The following GRM7 variants were observed in gnomAD, a reference collection of about 807,000 sequenced individuals.
The protein encoded by GRM7 is glutamate metabotropic receptor 7, also known as metabotropic glutamate receptor 7.
A neutral mutation model predicts 84.5 loss-of-function variants in GRM7; 35 were observed. The observed-to-expected ratio is 0.41, with a 90% confidence interval of 0.32 to 0.55. The LOEUF (loss-of-function observed/expected upper bound fraction) is 0.55, where lower values mean the gene tolerates loss of function less well. GRM7 is among the 20% of genes least tolerant of loss of function. The probability of loss-of-function intolerance (pLI) is 0.19; values close to 1 mark genes in which losing one functional copy is unlikely to be tolerated. For synonymous variants in GRM7, 487 were observed against 455.1 expected (o/e 1.07, Z -0.89); for missense variants, 1,003 against 1,194.6 (o/e 0.84, Z 2.36).
At chr3:7,727,801 C>T (rs77268245) in intron 9 of GRM7, among the ~76,000 whole-genome samples, 12 of 152,146 alleles carry the variant, frequency 7.9e-5, no homozygotes, top group Non-Finnish European at 1.6e-4. Context: ...AGCTTTGTCT[C>T]ACTTCTCCTA....
chr3:7,510,354 C>T (rs1487637785), intron 7 of GRM7, among the ~76,000 whole-genome samples: 1 of 152,118 alleles, frequency 6.6e-6, no homozygotes, highest in Non-Finnish European at 1.5e-5. Flanking sequence ...ATTGTCTGTG[C>T]CTGTTGCGGA....
chr3:7,531,794 T>C (rs1285793644), intron 7 of GRM7, among the ~76,000 whole-genome samples: 1 of 152,162 alleles, frequency 6.6e-6, no homozygotes, highest in African/African-American at 2.4e-5. Flanking sequence ...ATACCCTTTA[T>C]TTCTTTCTCT....
chr3:7,625,377 C>T (rs190755155), intron 8 of GRM7, among the ~76,000 whole-genome samples: 2 of 152,062 alleles, frequency 1.3e-5, no homozygotes, highest in Non-Finnish European at 2.9e-5. Context: ...AAAAAGCAAG[C>T]AACTCGTACA....
intron 1 of GRM7, among the ~76,000 whole-genome samples, chr3:6,977,264 T>C (rs927054820): frequency 1.3e-5 from 2 of 152,120 alleles, no homozygotes; most frequent in African/African-American, 4.8e-5. Flanking sequence ...CGAGAGTGCT[T>C]TCAGTGTACA....
At chr3:7,175,550 T>G (rs182618445) in intron 2 of GRM7, among the ~76,000 whole-genome samples, 5 of 152,318 alleles carry the variant, frequency 3.3e-5, no homozygotes, top group African/African-American at 1.2e-4. Flanking sequence ...TTGTTTTGTC[T>G]TTTTTGAGAC....
At chr3:7,733,215 T>G (rs57921529) in intron 9 of GRM7, among the ~76,000 whole-genome samples, 8,624 of 152,272 alleles carry the variant, frequency 0.057, 669 homozygotes, top group African/African-American at 0.17. Flanking sequence ...TTACTCCTTA[T>G]TTCAGTTAAA....
chr3:6,877,232 C>G (rs1386353203), intron 1 of GRM7, among the ~76,000 whole-genome samples: 3 of 152,136 alleles, frequency 2.0e-5, no homozygotes, highest in Admixed American at 1.3e-4. Context: ...TACTGGTTTG[C>G]CTGCTATACG....
chr3:7,053,424 T>G (rs1697084449), intron 1 of GRM7, among the ~76,000 whole-genome samples: 2 of 151,770 alleles, frequency 1.3e-5, no homozygotes, highest in Non-Finnish European at 3.0e-5. Flanking sequence ...CCTGTTTCTG[T>G]CTTTTATTCT....
chr3:7,622,922 G>A (rs994511344), intron 8 of GRM7, among the ~76,000 whole-genome samples: 1 of 152,092 alleles, frequency 6.6e-6, no homozygotes, highest in African/African-American at 2.4e-5. Flanking sequence ...AGCTGAAGGA[G>A]GTTCCAGGGG....
intron 8 of GRM7, among the ~76,000 whole-genome samples, chr3:7,593,957 A>G (rs1344955634): frequency 6.6e-6 from 1 of 152,068 alleles, no homozygotes; most frequent in Non-Finnish European, 1.5e-5. Flanking sequence ...GAAAAAAAAA[A>G]ACACTGAAAG....
chr3:7,103,816 T>TTCTTTCTTTCTTTCTTTCTTTCTCTCTC (rs1553617438), intron 1 of GRM7, among the ~76,000 whole-genome samples: 12 of 89,104 alleles, frequency 1.3e-4, no homozygotes, highest in South Asian at 7.6e-4. Context: ...CTTTCTTTCT[T>TTCTTTCTTTCTTTCTTTCTTTCTCTCTC]TCTCTCTCTC....
At chr3:6,927,540 C>A (rs1416992013) in intron 1 of GRM7, among the ~76,000 whole-genome samples, 1 of 149,118 alleles carries the variant, frequency 6.7e-6, no homozygotes, top group Admixed American at 6.7e-5. Flanking sequence ...AGAAAGAAAT[C>A]TAGTAGTTAA....
At chr3:6,999,320 G>C (rs899014639) in intron 1 of GRM7, among the ~76,000 whole-genome samples, 25 of 152,156 alleles carry the variant, frequency 1.6e-4, no homozygotes, top group Non-Finnish European at 3.2e-4. Flanking sequence ...TCAGCATTTT[G>C]GTCAAAGTCA....
intron 2 of GRM7, among the ~76,000 whole-genome samples, chr3:7,239,615 G>C (rs1697474709): frequency 6.6e-6 from 1 of 152,184 alleles, no homozygotes; most frequent in Admixed American, 6.5e-5. Flanking sequence ...GGTGGGCTCA[G>C]TAAAGCAGAT....
At chr3:7,729,136 C>G (rs887129883) in intron 9 of GRM7, among the ~76,000 whole-genome samples, 1 of 151,342 alleles carries the variant, frequency 6.6e-6, no homozygotes, top group Non-Finnish European at 1.5e-5. Context: ...TTTGCAAATT[C>G]ACCCACACGC....
chr3:6,993,638 AG>A (rs963326824), intron 1 of GRM7, among the ~76,000 whole-genome samples: 1 of 152,212 alleles, frequency 6.6e-6, no homozygotes, highest in Non-Finnish European at 1.5e-5. Context: ...GACAGCCTGG[AG>A]GTGGTAGAGA....
intron 4 of GRM7, among the ~76,000 whole-genome samples, chr3:7,407,386 C>T (rs558655779): frequency 1.3e-5 from 2 of 152,208 alleles, no homozygotes; most frequent in South Asian, 4.1e-4. Context: ...TGTATGTGGG[C>T]CATTAAGCTC....
chr3:6,992,693 C>T (rs1694688280), intron 1 of GRM7, among the ~76,000 whole-genome samples: 1 of 152,070 alleles, frequency 6.6e-6, no homozygotes, highest in Admixed American at 6.6e-5. Flanking sequence ...AAGTGCTGCC[C>T]CACAGGAGCC....
intron 4 of GRM7, among the ~76,000 whole-genome samples, chr3:7,398,614 GT>G (rs1231184163): frequency 3.9e-5 from 6 of 151,914 alleles, no homozygotes; most frequent in Admixed American, 2.6e-4. Context: ...CTGTGGGTGG[GT>G]TTTTTGTGTG....
Sources: allele counts gnomAD v4.1 joint callset (sites outside exome capture counted in the v4.1 genomes callset), GRCh38; gene constraint gnomAD v4.1.1; transcripts MANE v1.5; gene names NCBI Gene and HGNC (gene_info 2026-07-23, HGNC 2026-07-21).